The following HERC3 variants were observed in gnomAD, a reference collection of about 807,000 sequenced individuals.
HERC3 encodes the protein probable E3 ubiquitin-protein ligase HERC3.
HERC3 carries 58 observed loss-of-function variants against 129.9 expected under a neutral mutation model. That is an observed-to-expected ratio of 0.45 (90% CI 0.36 to 0.56). HERC3 has a LOEUF of 0.56. Ranked by LOEUF, HERC3 falls within the 20% of genes least tolerant of loss-of-function variation. The pLI, the probability that HERC3 is intolerant of heterozygous loss-of-function variation, is 0.00. For synonymous variants in HERC3, 430 were observed against 451.0 expected (o/e 0.95, Z 0.59); for missense variants, 835 against 1,244.2 (o/e 0.67, Z 4.95).
chr4:88,540,167 C>T, the HERC3 span, among the ~76,000 whole-genome samples: 1 of 152,092 alleles, frequency 6.6e-6, no homozygotes, highest in East Asian at 1.9e-4. Flanking sequence ...TGTTCTAACC[C>T]ATCACAAGGA....
At chr4:88,680,597 G>A (rs1423680975) in intron 20 of HERC3, among the ~76,000 whole-genome samples, 2 of 152,168 alleles carry the variant, frequency 1.3e-5, no homozygotes, top group Non-Finnish European at 2.9e-5. Context: ...ACATGTGCAT[G>A]CACACTTTAT....
chr4:88,619,524 A>C (rs1462908015), intron 3 of HERC3, among the ~76,000 whole-genome samples: 3 of 152,202 alleles, frequency 2.0e-5, no homozygotes, highest in African/African-American at 7.2e-5. Flanking sequence ...AAACTATAAA[A>C]ATAATAGGAA....
the HERC3 span, among the ~76,000 whole-genome samples, chr4:88,566,946 C>T: frequency 1.3e-5 from 2 of 152,148 alleles, no homozygotes; most frequent in African/African-American, 4.8e-5. Flanking sequence ...TGCACCACCA[C>T]ATCTGGCTAA....
chr4:88,672,948 A>G lies in HERC3; in HGVS notation c.1911+2696A>G, dbSNP rs73841632. Reference sequence around the variant, plus strand: ...AGTGTTTAGCCCAGAAGCAGCAGTGAAAAATTGCAAAGGGATCTAACACAT... The same window carrying G: ...AGTGTTTAGCCCAGAAGCAGCAGTGGAAAATTGCAAAGGGATCTAACACAT... On this transcript the variant is annotated intron_variant, in intron 16 of 25. Coordinates refer to ENST00000402738, the MANE Select transcript of HERC3 (RefSeq NM_014606.3). 6.8e-4 allele frequency among the ~76,000 whole-genome samples: 104 copies of G among 152,320 alleles called. 1 individual carries two copies. The highest frequency in any genetic ancestry group is 2.3e-3 in the African/African-American group (94 of 41,572).
chr4:88,621,470 G>A (rs184533572), intron 3 of HERC3, among the ~76,000 whole-genome samples: 151 of 152,280 alleles, frequency 9.9e-4, no homozygotes, highest in Middle Eastern at 3.4e-3. Flanking sequence ...TAATTAAGGA[G>A]TATAGAATCT....
chr4:88,538,429 T>C, the HERC3 span, among the ~76,000 whole-genome samples: 1 of 152,194 alleles, frequency 6.6e-6, no homozygotes, highest in Non-Finnish European at 1.5e-5. Flanking sequence ...AGGCTAGGTA[T>C]CAACGTGTTG....
At chr4:88,607,638 AT>A (rs1356266905) in intron 3 of HERC3, among the ~76,000 whole-genome samples, 1 of 151,914 alleles carries the variant, frequency 6.6e-6, no homozygotes, top group Non-Finnish European at 1.5e-5. Context: ...TAATTTTTTA[AT>A]TTTTGTTTTA....
At chr4:88,701,437 CAATAATTCA>C (rs1329437574) in intron 23 of HERC3, among the ~76,000 whole-genome samples, 5 of 152,012 alleles carry the variant, frequency 3.3e-5, no homozygotes, top group Non-Finnish European at 7.4e-5. Context: ...GGAGGAAACC[CAATAATTCA>C]AATGTAGCTT....
intron 3 of HERC3, among the ~76,000 whole-genome samples, chr4:88,609,293 AAAC>A (rs895123425): frequency 7.2e-5 from 11 of 152,260 alleles, no homozygotes; most frequent in South Asian, 2.1e-4. Flanking sequence ...AAAACAAAAC[AAAC>A]AACAACAACA....
At chr4:88,564,069 C>A in the HERC3 span, among the ~76,000 whole-genome samples, 1 of 152,270 alleles carries the variant, frequency 6.6e-6, no homozygotes, top group South Asian at 2.1e-4. Flanking sequence ...GTCCTTGATT[C>A]TGTTGATATA....
chr4:88,528,159 C>T, the HERC3 span: 11 of 214,308 alleles, frequency 5.1e-5, no homozygotes, highest in South Asian at 8.3e-4. Context: ...CAGTCAGGCC[C>T]TGGGGGTGTG....
At chr4:88,684,232 G>A (rs1733141275) in intron 21 of HERC3, among the ~76,000 whole-genome samples, 1 of 152,190 alleles carries the variant, frequency 6.6e-6, no homozygotes, top group Non-Finnish European at 1.5e-5. Context: ...CAAGGCTATA[G>A]TAACCAAAAC....
chr4:88,634,663 T>C (rs1422419168), intron 3 of HERC3, among the ~76,000 whole-genome samples: 1 of 144,592 alleles, frequency 6.9e-6, no homozygotes, highest in Non-Finnish European at 1.5e-5. Context: ...AAATGGGCCC[T>C]GCTTCCTGTG....
chr4:88,579,232 A>AATATATATATATATATATATATATAT, the HERC3 span, among the ~76,000 whole-genome samples: 2 of 104,010 alleles, frequency 1.9e-5, no homozygotes, highest in African/African-American at 1.2e-4. Context: ...AAAAAAAAAA[A>AATATATATATATATATATATATATAT]ATATATATAT....
the HERC3 span, among the ~76,000 whole-genome samples, chr4:88,552,223 A>C: frequency 3.3e-5 from 5 of 151,946 alleles, no homozygotes; most frequent in Middle Eastern, 6.8e-3. Flanking sequence ...AGCACGGCAC[A>C]TGTATACATA....
intron 14 of HERC3, among the ~76,000 whole-genome samples, 155 bp downstream of exon 14, chr4:88,668,236 C>T (rs547201954): frequency 6.6e-6 from 1 of 152,232 alleles, no homozygotes; most frequent in East Asian, 1.9e-4. Flanking sequence ...TAATTTTTAG[C>T]TAACCCTATT....
intron 2 of HERC3, among the ~76,000 whole-genome samples, chr4:88,601,132 A>T (rs1480926675): frequency 6.6e-6 from 1 of 152,208 alleles, no homozygotes; most frequent in African/African-American, 2.4e-5. Flanking sequence ...TTTAGTGTAG[A>T]GTCTAGACAA....
At chr4:88,557,763 A>C in the HERC3 span, among the ~76,000 whole-genome samples, 1 of 152,198 alleles carries the variant, frequency 6.6e-6, no homozygotes, top group African/African-American at 2.4e-5. Context: ...TTCTTAAAGA[A>C]CTAAAAGTGG....
the HERC3 span, among the ~76,000 whole-genome samples, chr4:88,558,783 G>A: frequency 1.3e-5 from 2 of 151,332 alleles, no homozygotes; most frequent in African/African-American, 4.9e-5. Flanking sequence ...CTAACATGGT[G>A]AAACCCCGTC....
Sources: allele counts gnomAD v4.1 joint callset (sites outside exome capture counted in the v4.1 genomes callset), GRCh38; gene constraint gnomAD v4.1.1; transcripts MANE v1.5; gene names NCBI Gene and HGNC (gene_info 2026-07-23, HGNC 2026-07-21).